Variants in SSH2 observed in about 807,000 individuals in gnomAD.
SSH2 encodes slingshot protein phosphatase 2, also known as protein phosphatase Slingshot homolog 2.
A neutral mutation model predicts 135.2 loss-of-function variants in SSH2; 37 were observed. The ratio of observed to expected loss-of-function variants is 0.27; its 90% confidence interval spans 0.21 to 0.36. The LOEUF is 0.36. SSH2 is among the 10% of genes least tolerant of loss of function. The pLI is 1.00. For missense variants in SSH2, 1,408 were observed against 1,765.3 expected (o/e 0.80, Z 3.63); for synonymous variants, 628 against 646.2 (o/e 0.97, Z 0.43).
chr17:29,676,983 C>T, intron 7 of SSH2, 98 bp from the exon 8 acceptor site: 1 of 969,558 alleles, frequency 1.0e-6, no homozygotes, highest in South Asian at 1.3e-5. Flanking sequence ...AAACAACTGG[C>T]TCCGTAGAGG....
At chr17:29,893,855 G>C (rs574737232) in intron 1 of SSH2, among the ~76,000 whole-genome samples, 4 of 152,004 alleles carry the variant, frequency 2.6e-5, no homozygotes, top group African/African-American at 9.7e-5. Context: ...CCCTTTTAAA[G>C]AACTATCTTA....
At chr17:29,745,348 C>T (rs370342494) in intron 3 of SSH2, among the ~76,000 whole-genome samples, 4 of 151,914 alleles carry the variant, frequency 2.6e-5, no homozygotes, top group Admixed American at 6.6e-5. Context: ...TTAGTAGAGA[C>T]GGGGTTTCAC....
At chr17:29,653,670 G>A (rs1159894851) in intron 12 of SSH2, among the ~76,000 whole-genome samples, 2 of 151,716 alleles carry the variant, frequency 1.3e-5, no homozygotes, top group African/African-American at 4.8e-5. Flanking sequence ...CACTGCAACC[G>A]CCACCTCCCG....
intron 3 of SSH2, among the ~76,000 whole-genome samples, chr17:29,774,035 C>CAT (rs2041644165): frequency 1.3e-5 from 2 of 152,140 alleles, no homozygotes; most frequent in Admixed American, 1.3e-4. Flanking sequence ...AAGACATAAA[C>CAT]ATATGCATAA....
At chr17:29,845,397 G>A (rs2043115097) in intron 2 of SSH2, among the ~76,000 whole-genome samples, 1 of 151,828 alleles carries the variant, frequency 6.6e-6, no homozygotes, top group African/African-American at 2.4e-5. Context: ...GAGAAAAGGG[G>A]GAAAAAAAGG....
chr17:29,671,836 T>A, intron 9 of SSH2, 99 bp downstream of exon 9: 1 of 1,031,626 alleles, frequency 9.7e-7, no homozygotes, highest in South Asian at 1.6e-5. Context: ...CTAGGTAAGA[T>A]TAACTCCCCA....
rs923909830 is a variant in SSH2, at chr17:29,778,632, TTC to T, written c.188+15260_188+15261del. ...TCCAGCCTGGGCGACAAGAGTGAGATTCTGTCTAAAAAAATAAATAAATAAAT... is the reference window on the plus strand; with the variant it reads ...TCCAGCCTGGGCGACAAGAGTGAGATTGTCTAAAAAAATAAATAAATAAAT... On this transcript the variant is annotated intron_variant, in intron 3 of 15. Coordinates refer to ENST00000540801, the MANE Select transcript of SSH2 (RefSeq NM_001282129.2). 2.0e-5 allele frequency among the ~76,000 whole-genome samples: 3 copies of T among 149,334 alleles called. No individual in the cohort carries two copies. In the Admixed American group the frequency reaches 2.0e-4, roughly 10 times the overall value.
In SSH2 at chr17:29,909,055, T is replaced by C. The variant is rs868491015; in HGVS notation, c.63+20883A>G. On this transcript the variant is annotated intron_variant, in intron 1 of 15. Transcript: ENST00000540801. ...TCGTGCCACTGCACTCCAGCCTGGG[T>C]GACAGAGCAAGACTCCGTCTCAAAG... Among the ~76,000 whole-genome samples the C allele has an allele frequency of 7.2e-5, 11 of 151,910 alleles. No homozygotes were observed. The South Asian group carries it at 1.7e-3, about 23-fold the overall frequency.
At chr17:29,926,462 G>A (rs929436989) in intron 1 of SSH2, among the ~76,000 whole-genome samples, 2 of 151,660 alleles carry the variant, frequency 1.3e-5, no homozygotes, top group East Asian at 1.9e-4. Context: ...GCTGAGGTGC[G>A]AGGATCACTT....
chr17:29,836,010 AATT>A (rs918463281), intron 2 of SSH2, among the ~76,000 whole-genome samples: 3 of 151,052 alleles, frequency 2.0e-5, no homozygotes, highest in Admixed American at 1.3e-4. Context: ...CTTTTGAAAG[AATT>A]ATTATTATTA....
chr17:29,757,705 A>G (rs1190204751), intron 3 of SSH2, among the ~76,000 whole-genome samples: 1 of 146,690 alleles, frequency 6.8e-6, no homozygotes, highest in Non-Finnish European at 1.5e-5. Context: ...AGCCTGGGCA[A>G]CAAAGTGAGA....
At chr17:29,720,765 G>A (rs899206072) in intron 3 of SSH2, among the ~76,000 whole-genome samples, 9 of 152,096 alleles carry the variant, frequency 5.9e-5, no homozygotes, top group African/African-American at 2.2e-4. Flanking sequence ...AGGAGGAACA[G>A]GAGGAGGAAG....
rs1344374838 is a variant in SSH2, at chr17:29,837,261, C to CA, written c.144+11587dup. 8.0e-3 allele frequency among the ~76,000 whole-genome samples: 826 copies of CA among 102,908 alleles called. 4 individuals are homozygous for CA. Among genetic ancestry groups the CA allele is most frequent in the East Asian group, 0.018 (64 of 3,650 alleles). 67.5% of individuals were successfully genotyped at this position (102,908 alleles called of 152,430 possible). A position where few individuals can be genotyped will look rare whatever the true frequency, so the allele number is the denominator to read the frequency against. On this transcript the variant is annotated intron_variant, in intron 2 of 15. Transcript: ENST00000540801. ...GACGCAACAGAGTGAGACTCTGTCT[C>CA]AAAAAAAAAAAAAAAGTAAGAAAAT... is the stretch of plus-strand genomic sequence containing the variant.
chr17:29,748,089 T>C (rs2040819897), intron 3 of SSH2, among the ~76,000 whole-genome samples: 1 of 152,222 alleles, frequency 6.6e-6, no homozygotes, highest in African/African-American at 2.4e-5. Context: ...CATCACTACC[T>C]TACCATTCCT....
chr17:29,738,984 A>G (rs917563987), intron 3 of SSH2, among the ~76,000 whole-genome samples: 2 of 152,232 alleles, frequency 1.3e-5, no homozygotes, highest in Admixed American at 1.3e-4. Context: ...GTATACATAT[A>G]TTTAATTAAA....
chr17:29,709,452 G>A (rs535407305), intron 3 of SSH2, among the ~76,000 whole-genome samples: 1 of 152,284 alleles, frequency 6.6e-6, no homozygotes, highest in South Asian at 2.1e-4. Context: ...CAAGGAGGGT[G>A]GATCACTTGA....
intron 2 of SSH2, among the ~76,000 whole-genome samples, chr17:29,834,102 C>T (rs1009505999): frequency 3.3e-5 from 5 of 151,514 alleles, no homozygotes; most frequent in African/African-American, 4.9e-5. Context: ...TTATTTTAAA[C>T]TGATGACAAA....
Position 29,750,146 on chromosome 17 carries a change from C to T in SSH2, c.188+43748G>A, listed in dbSNP as rs569335968. On this transcript the variant is annotated intron_variant, in intron 3 of 15. Coordinates refer to ENST00000540801, the MANE Select transcript of SSH2 (RefSeq NM_001282129.2). ...TTGTAATAATACTTAGCTTAAAACA[C>T]AGAAAAACTGGCCGGGAGGGGTGGC... Among the ~76,000 whole-genome samples, 151 of 151,868 alleles carry T rather than the reference C, an allele frequency of 9.9e-4. 2 individuals carry two copies. In the Middle Eastern group the frequency reaches 0.01, roughly 10 times the overall value.
chr17:29,684,932 A>AT (rs111515630), intron 5 of SSH2, among the ~76,000 whole-genome samples: 9,398 of 152,266 alleles, frequency 0.062, 575 homozygotes, highest in African/African-American at 0.16. Context: ...AAAATAATAC[A>AT]GTAAAGCACA....
Sources: gnomAD v4.1 joint callset for allele counts (sites outside exome capture counted in the v4.1 genomes callset) on GRCh38, gnomAD v4.1.1 for gene constraint, MANE v1.5 for transcripts, NCBI Gene and HGNC (gene_info 2026-07-23, HGNC 2026-07-21) for gene names.